The following MYOZ3 variants were observed in gnomAD, a reference collection of about 807,000 sequenced individuals.
MYOZ3 encodes the protein myozenin-3.
Under a neutral mutation model 26.5 loss-of-function variants are expected in MYOZ3, and 19 were observed. That is an observed-to-expected ratio of 0.72 (90% CI 0.50 to 1.05). The LOEUF (loss-of-function observed/expected upper bound fraction) is 1.05, where lower values mean the gene tolerates loss of function less well. Among genes scored for constraint, MYOZ3 ranks in the 50% least tolerant of loss-of-function variants. MYOZ3 has a pLI of 0.00. For synonymous variants in MYOZ3, 135 were observed against 138.8 expected (o/e 0.97, Z 0.19); for missense variants, 322 against 337.1 (o/e 0.96, Z 0.35).
At chr5:150,663,059 G>A (rs868141942) in intron 2 of MYOZ3, 57 bp downstream of exon 2, 1 of 1,469,638 alleles carries the variant, frequency 6.8e-7, no homozygotes, top group Middle Eastern at 1.8e-4. Context: ...TTGCTCCCAG[G>A]CTGCACTCAC....
chr5:150,667,808 T>G (rs1281460557), intron 2 of MYOZ3, among the ~76,000 whole-genome samples: 1 of 152,216 alleles, frequency 6.6e-6, no homozygotes, highest in Non-Finnish European at 1.5e-5. Context: ...ACATGGTCCC[T>G]CCTTCATTCC....
At chr5:150,666,728 A>G (rs1758816783) in intron 2 of MYOZ3, among the ~76,000 whole-genome samples, 2 of 149,264 alleles carry the variant, frequency 1.3e-5, no homozygotes, top group Non-Finnish European at 3.0e-5. Context: ...TCTGAATCTT[A>G]CTTTCCCCTC....
At chr5:150,672,005 G>T (rs1315132638) in intron 5 of MYOZ3, 97 bp downstream of exon 5, 2 of 1,427,098 alleles carry the variant, frequency 1.4e-6, no homozygotes, top group Non-Finnish European at 9.3e-7. Flanking sequence ...AGGCTAGTCC[G>T]CCCCCTTCCC....
intron 1 of MYOZ3, among the ~76,000 whole-genome samples, chr5:150,661,942 C>T (rs1758738727): frequency 6.6e-6 from 1 of 152,164 alleles, no homozygotes; most frequent in African/African-American, 2.4e-5. Context: ...GCCTAACCCC[C>T]TACTGTTACA....
At chr5:150,662,814 C>A in intron 1 of MYOZ3, 127 bp from the exon 2 acceptor site, 1 of 777,290 alleles carries the variant, frequency 1.3e-6, no homozygotes, top group Non-Finnish European at 2.2e-6. Flanking sequence ...CTCAGACATC[C>A]CTTGCTTGTG....
chr5:150,663,065 C>G (rs1283745375), intron 2 of MYOZ3, 63 bp downstream of exon 2: 3 of 1,417,626 alleles, frequency 2.1e-6, no homozygotes, highest in Non-Finnish European at 2.9e-6. Flanking sequence ...CCAGGCTGCA[C>G]TCACTCTGGC....
At chr5:150,672,733 A>G (rs1181940265) in intron 6 of MYOZ3, 1 of 519,026 alleles carries the variant, frequency 1.9e-6, no homozygotes, top group East Asian at 3.3e-5. Flanking sequence ...GATATTCTCC[A>G]GGACATGGTG....
chr5:150,676,623 G>A, intron 6 of MYOZ3, 84 bp from the exon 7 acceptor site: 2 of 1,359,990 alleles, frequency 1.5e-6, no homozygotes, highest in Non-Finnish European at 2.0e-6. Flanking sequence ...GGCAGGGAGG[G>A]GCCCATACAT....
intron 6 of MYOZ3, among the ~76,000 whole-genome samples, chr5:150,674,103 CTGA>C (rs1387351411): frequency 1.3e-5 from 2 of 152,214 alleles, no homozygotes; most frequent in Non-Finnish European, 2.9e-5. Flanking sequence ...CAGAGACTTC[CTGA>C]TGGGAAGAAT....
chr5:150,672,362 C>T lies in MYOZ3; in HGVS notation c.447C>T (p.Gly149=), dbSNP rs761300572. 6.2e-7 allele frequency: 1 copy of T among 1,610,256 alleles called. No individual in the cohort carries two copies. The highest frequency in any genetic ancestry group is 1.3e-5 in the African/African-American group (1 of 75,048). The change falls in exon 6 of 7, where the codon GGC becomes GGT. Residue 149 remains glycine (G), a synonymous_variant. Transcript: ENST00000517768. ...TAGGCTATGCGGAGCCGCTGAAGGG[C>T]GTCCCGCCAGAGAAGTTCAACCACA... is the stretch of plus-strand genomic sequence containing the variant. ...LAPGYAEPLK[G]VPPEKFNHTA...
intron 3 of MYOZ3, chr5:150,670,885 CCAA>C (rs1561670617): frequency 1.6e-4 from 6 of 37,866 alleles, no homozygotes; most frequent in East Asian, 5.6e-4. Flanking sequence ...CTGGCTCCTA[CCAA>C]AAAAAAAAAA....
At chr5:150,674,264 G>C (rs1758970575) in intron 6 of MYOZ3, among the ~76,000 whole-genome samples, 2 of 152,214 alleles carry the variant, frequency 1.3e-5, no homozygotes, top group African/African-American at 2.4e-5. Flanking sequence ...AGTCCTGGCA[G>C]GCAGCTTCCA....
At chr5:150,662,105 T>G (rs1758742966) in intron 1 of MYOZ3, among the ~76,000 whole-genome samples, 1 of 152,072 alleles carries the variant, frequency 6.6e-6, no homozygotes, top group African/African-American at 2.4e-5. Flanking sequence ...AGGCAGATTG[T>G]TTTCTAAAGG....
chr5:150,673,234 TA>T (rs2151448967), intron 6 of MYOZ3: 1 of 152,394 alleles, frequency 6.6e-6, no homozygotes, highest in Admixed American at 6.5e-5. Flanking sequence ...ATGAGGGGTT[TA>T]TAGTACCTGC....
chr5:150,671,330 C>T (rs1357815663), intron 3 of MYOZ3: 2 of 530,184 alleles, frequency 3.8e-6, no homozygotes, highest in Admixed American at 6.7e-5. Context: ...TCACCATCAT[C>T]CTCATTCTAT....
intron 3 of MYOZ3, 47 bp from the exon 4 acceptor site, chr5:150,671,550 T>C: frequency 1.2e-6 from 2 of 1,609,822 alleles, no homozygotes; most frequent in Non-Finnish European, 1.7e-6. Context: ...CCTGGTCCCC[T>C]GCCCCGCTGA....
chr5:150,671,712 G>A, intron 4 of MYOZ3, 43 bp from the exon 5 acceptor site: 2 of 1,613,342 alleles, frequency 1.2e-6, no homozygotes, highest in Non-Finnish European at 1.7e-6. Flanking sequence ...GGCTGGGGGC[G>A]GGAGGTCGTC....
chr5:150,663,907 C>T (rs557174932), intron 2 of MYOZ3, among the ~76,000 whole-genome samples: 1 of 150,318 alleles, frequency 6.7e-6, no homozygotes, highest in Non-Finnish European at 1.5e-5. Flanking sequence ...GCAAGAGGAT[C>T]GTTTGAGCCT....
chr5:150,664,726 T>G (rs1365331305), intron 2 of MYOZ3, among the ~76,000 whole-genome samples: 1 of 152,194 alleles, frequency 6.6e-6, no homozygotes, highest in Non-Finnish European at 1.5e-5. Flanking sequence ...GAGCTGCAAT[T>G]TGACTCCAGG....
Sources: allele counts gnomAD v4.1 joint callset (sites outside exome capture counted in the v4.1 genomes callset), GRCh38; gene constraint gnomAD v4.1.1; transcripts MANE v1.5; gene names NCBI Gene and HGNC (gene_info 2026-07-23, HGNC 2026-07-21).